GLI3: variants seen among roughly 807,000 people sequenced by gnomAD.
GLI3 encodes the protein transcription activator GLI3.
Under a neutral mutation model 100.8 loss-of-function variants are expected in GLI3, and 20 were observed. The observed-to-expected ratio is 0.20, with a 90% CI of 0.14 to 0.29. The LOEUF is 0.29. Ranked by LOEUF, GLI3 falls within the 10% of genes least tolerant of loss-of-function variation. The probability of loss-of-function intolerance (pLI) is 1.00; values close to 1 mark genes in which losing one functional copy is unlikely to be tolerated. For synonymous variants in GLI3, 938 were observed against 860.5 expected, an observed-to-expected ratio of 1.09 and a Z score of -1.58; for missense variants, 2,040 against 2,128.5, an observed-to-expected ratio of 0.96 and a Z score of 0.82.
chr7:42,030,627 C>T (rs1193868734), intron 7 of GLI3, among the ~76,000 whole-genome samples: 1 of 151,082 alleles, frequency 6.6e-6, no homozygotes, highest in Non-Finnish European at 1.5e-5. Context: ...TGAATAAGAA[C>T]CTTCCTAAAT....
At chr7:42,224,264 C>T (rs1788544061) in intron 1 of GLI3, among the ~76,000 whole-genome samples, 2 of 152,208 alleles carry the variant, frequency 1.3e-5, no homozygotes, top group African/African-American at 4.8e-5. Flanking sequence ...TTAGGTCTGG[C>T]CATCTTGCTT....
intron 4 of GLI3, among the ~76,000 whole-genome samples, chr7:42,049,814 C>T (rs781463327): frequency 1.2e-4 from 19 of 152,176 alleles, no homozygotes; most frequent in Non-Finnish European, 2.2e-4. Flanking sequence ...CAGTTGTGCT[C>T]CCCGCTTTTC....
At chr7:42,003,253 G>T (rs760985075) in intron 10 of GLI3, among the ~76,000 whole-genome samples, 2 of 152,018 alleles carry the variant, frequency 1.3e-5, no homozygotes, top group African/African-American at 2.4e-5. Flanking sequence ...TTATAATCTC[G>T]AAGTGCATGT....
chr7:42,059,889 C>A (rs1273751206), intron 4 of GLI3, among the ~76,000 whole-genome samples: 3 of 152,268 alleles, frequency 2.0e-5, no homozygotes, highest in Admixed American at 2.0e-4. Flanking sequence ...ACGGCAGAGG[C>A]CAATCCAGCC....
chr7:42,142,885 G>T (rs1786604215), intron 3 of GLI3, among the ~76,000 whole-genome samples: 1 of 142,940 alleles, frequency 7.0e-6, no homozygotes, highest in Non-Finnish European at 1.5e-5. Flanking sequence ...CTTGCAGTGA[G>T]CCGAGATTGC....
chr7:42,246,906 G>C (rs1316133946), intron 1 of GLI3, among the ~76,000 whole-genome samples: 1 of 146,050 alleles, frequency 6.8e-6, no homozygotes, highest in Non-Finnish European at 1.5e-5. Flanking sequence ...TCTGAGAATG[G>C]GTTTATATGC....
At chr7:42,130,419 G>T (rs1357732851) in intron 3 of GLI3, among the ~76,000 whole-genome samples, 1 of 152,158 alleles carries the variant, frequency 6.6e-6, no homozygotes, top group East Asian at 1.9e-4. Flanking sequence ...CTTTTAGAAG[G>T]TTTTAGAAAG....
At chr7:42,111,065 C>T (rs1785694856) in intron 3 of GLI3, among the ~76,000 whole-genome samples, 1 of 152,160 alleles carries the variant, frequency 6.6e-6, no homozygotes, top group Non-Finnish European at 1.5e-5. Flanking sequence ...ATAATTACTA[C>T]CAGAGTAGGA....
chr7:42,115,081 G>C (rs1011434847), intron 3 of GLI3, among the ~76,000 whole-genome samples: 1 of 151,532 alleles, frequency 6.6e-6, no homozygotes, highest in Non-Finnish European at 1.5e-5. Context: ...AAAAAGGGTA[G>C]GAGACAAAAA....
chr7:42,118,086 T>C (rs183215324), intron 3 of GLI3: 217 of 367,646 alleles, frequency 5.9e-4, no homozygotes, highest in African/African-American at 4.1e-3. Context: ...CATACAGGGA[T>C]TTTTTTCTTT....
intron 3 of GLI3, among the ~76,000 whole-genome samples, chr7:42,099,336 T>C (rs1369443360): frequency 6.6e-6 from 1 of 152,182 alleles, no homozygotes; most frequent in Admixed American, 6.5e-5. Flanking sequence ...CCATACACAT[T>C]GTTTTTATAA....
chr7:41,998,282 G>A (rs753018595), intron 10 of GLI3, among the ~76,000 whole-genome samples: 3 of 152,156 alleles, frequency 2.0e-5, no homozygotes, highest in Non-Finnish European at 4.4e-5. Flanking sequence ...TTCCAAGCAT[G>A]TGACAGAGAA....
At chr7:42,225,091 G>A (rs372157077) in intron 1 of GLI3, among the ~76,000 whole-genome samples, 1 of 152,146 alleles carries the variant, frequency 6.6e-6, no homozygotes, top group Non-Finnish European at 1.5e-5. Context: ...AACAATCTCA[G>A]AATAATTACT....
chr7:42,092,811 TTATGTATTTATGTATTTATA>T (rs1471984269), intron 3 of GLI3, among the ~76,000 whole-genome samples: 1 of 147,020 alleles, frequency 6.8e-6, no homozygotes, highest in Non-Finnish European at 1.5e-5. Flanking sequence ...ATTTATTTAT[TTATGTATTTATGTATTTATA>T]GAGACGGAGT....
chr7:42,179,700 G>C (rs1787552530), intron 2 of GLI3, among the ~76,000 whole-genome samples: 1 of 152,076 alleles, frequency 6.6e-6, no homozygotes, highest in African/African-American at 2.4e-5. Context: ...GTGGCAAGGG[G>C]GTATGGGTGT....
chr7:42,048,792 G>A, intron 4 of GLI3, 96 bp from the exon 5 acceptor site: 1 of 857,374 alleles, frequency 1.2e-6, no homozygotes, highest in East Asian at 2.6e-5. Flanking sequence ...AAGATTTTAA[G>A]TGAATTCAAA....
rs1035332228 is a variant in GLI3, at chr7:42,172,515, C to T, written c.125-24047G>A. The T allele has an allele frequency of 1.9e-5, 13 of 701,016 alleles. 1 individual carries two copies. Among genetic ancestry groups the T allele is most frequent in the Admixed American group, 6.0e-5 (3 of 49,730 alleles). The allele number at this position is 701,016 out of a possible 1,614,324, so 43.4% of individuals were successfully genotyped here. ...GAATAAAGTGGTCTTGCAATCATCC[C>T]GCACCTAGGTAAATGTATGGGTTTG... On this transcript the variant is annotated intron_variant, in intron 2 of 14. Coordinates refer to ENST00000395925, the MANE Select transcript of GLI3 (RefSeq NM_000168.6).
At chr7:42,259,418 C>A (rs1463861907) in intron 1 of GLI3, among the ~76,000 whole-genome samples, 1 of 152,092 alleles carries the variant, frequency 6.6e-6, no homozygotes, top group African/African-American at 2.4e-5. Flanking sequence ...TGTAGCTGTT[C>A]CTAGTTAAGC....
At position 42,008,379 on chromosome 7, in the gene GLI3, G is replaced by T. The variant is rs78041449; in HGVS notation, c.1497+15089C>A. 3.3e-3 allele frequency among the ~76,000 whole-genome samples: 507 copies of T among 152,288 alleles called. 5 individuals are homozygous for T. Among genetic ancestry groups the T allele is most frequent in the African/African-American group, 0.012 (478 of 41,556 alleles). ...GCCAACCACCAACAAATATTTGAAA[G>T]CAGTTATCATGTCCCTTGGCACTTT... On this transcript the variant is annotated intron_variant, in intron 10 of 14. Coordinates refer to ENST00000395925, the MANE Select transcript of GLI3 (RefSeq NM_000168.6).
Sources: allele counts gnomAD v4.1 joint callset (sites outside exome capture counted in the v4.1 genomes callset), GRCh38; gene constraint gnomAD v4.1.1; transcripts MANE v1.5; gene names NCBI Gene and HGNC (gene_info 2026-07-23, HGNC 2026-07-21).